The following TXK variants were observed in gnomAD, a reference collection of about 807,000 sequenced individuals.
The protein encoded by TXK is tyrosine-protein kinase TXK.
Under a neutral mutation model 81.0 loss-of-function variants are expected in TXK, and 60 were observed. That is an observed-to-expected ratio of 0.74 (90% CI 0.60 to 0.92). The LOEUF is 0.92. TXK is among the 40% of genes least tolerant of loss of function. TXK has a pLI of 0.00. For missense variants in TXK, 581 were observed against 638.3 expected, an observed-to-expected ratio of 0.91 and a Z score of 0.97; for synonymous variants, 203 against 210.7, an observed-to-expected ratio of 0.96 and a Z score of 0.32.
chr4:48,076,359 T>TAA (rs1472698828), intron 12 of TXK, 43 bp downstream of exon 12: 1 of 1,388,490 alleles, frequency 7.2e-7, no homozygotes, highest in Non-Finnish European at 9.9e-7. Context: ...CTCTTATGAG[T>TAA]AAACAAACAA....
At chr4:48,075,605 G>A (rs572432522) in intron 12 of TXK, among the ~76,000 whole-genome samples, 1 of 152,108 alleles carries the variant, frequency 6.6e-6, no homozygotes, top group East Asian at 1.9e-4. Flanking sequence ...AGCCGAGAGA[G>A]CACCACTGCA....
At chr4:48,110,409 G>A (rs929745630) in intron 5 of TXK, 129 bp downstream of exon 5, 25 of 653,464 alleles carry the variant, frequency 3.8e-5, no homozygotes, top group Non-Finnish European at 6.2e-5. Context: ...AGGATCAAAC[G>A]TCTCTTTATT....
At chr4:48,112,650 T>C in intron 3 of TXK, 138 bp from the exon 4 acceptor site, 1 of 826,380 alleles carries the variant, frequency 1.2e-6, no homozygotes, top group Non-Finnish European at 1.8e-6. Flanking sequence ...ATGAGATAAA[T>C]GTAGAAAAGG....
intron 1 of TXK, among the ~76,000 whole-genome samples, chr4:48,119,854 G>T (rs1718899985): frequency 6.6e-6 from 1 of 152,098 alleles, no homozygotes; most frequent in African/African-American, 2.4e-5. Context: ...TTATTCCAGT[G>T]CTGTTTTAGA....
Position 48,112,433 on chromosome 4 carries a change from A to C in TXK, c.254T>G (p.Ile85Ser). 6.2e-7 allele frequency: 1 copy of C among 1,614,136 alleles called. No individual in the cohort carries two copies. The highest frequency in any genetic ancestry group is 8.5e-7 in the Non-Finnish European group (1 of 1,180,010). Residue 85 changes from isoleucine to serine, a missense_variant, in exon 4 of 15, where the codon ATC (isoleucine) becomes AGC (serine). Physicochemically the swap from Ile to Ser is moderately radical, Grantham distance 142. Coordinates refer to ENST00000264316, the MANE Select transcript of TXK (RefSeq NM_003328.3). Reference sequence around the variant, plus strand: ...AAAATCATAAAGTGCCTTGACTTGGATCTTCTCTTCAGCAACCTCAGAGGG... The same window carrying C: ...AAAATCATAAAGTGCCTTGACTTGGCTCTTCTCTTCAGCAACCTCAGAGGG... ...LPPSEVAEEK[I>S]QVKALYDFLP...
chr4:48,097,626 C>G (rs112080495), intron 6 of TXK, among the ~76,000 whole-genome samples: 2 of 151,408 alleles, frequency 1.3e-5, no homozygotes, highest in Non-Finnish European at 1.5e-5. Flanking sequence ...TTAGTAGAGG[C>G]AGGGTTTCAT....
At chr4:48,076,636 CT>C (rs904259549) in intron 11 of TXK, among the ~76,000 whole-genome samples, 170 bp from the exon 12 acceptor site, 34 of 148,988 alleles carry the variant, frequency 2.3e-4, no homozygotes, top group Middle Eastern at 3.4e-3. Context: ...TTTGCCTTCA[CT>C]TTTTTTTTTG....
intron 6 of TXK, among the ~76,000 whole-genome samples, chr4:48,096,703 A>AT (rs1359726377): frequency 1.3e-5 from 2 of 151,624 alleles, no homozygotes. Context: ...TAATTTTTGT[A>AT]TTTTTTGTGG....
chr4:48,077,724 T>A, intron 11 of TXK, among the ~76,000 whole-genome samples: 1 of 148,870 alleles, frequency 6.7e-6, no homozygotes, highest in Non-Finnish European at 1.5e-5. Flanking sequence ...ACTTTAGGGA[T>A]TTTTTTTTTA....
intron 10 of TXK, among the ~76,000 whole-genome samples, chr4:48,082,513 T>C (rs201466111): frequency 1.3e-5 from 2 of 152,188 alleles, no homozygotes; most frequent in East Asian, 3.9e-4. Flanking sequence ...CTCAACCAAT[T>C]GTCAATCAGA....
chr4:48,132,992 T>C (rs887768769), intron 1 of TXK, among the ~76,000 whole-genome samples: 16 of 151,360 alleles, frequency 1.1e-4, no homozygotes, highest in Non-Finnish European at 2.2e-4. Flanking sequence ...CTGACAACCA[T>C]ATGAGTTTCT....
intron 6 of TXK, among the ~76,000 whole-genome samples, chr4:48,096,386 T>C (rs1329892419): frequency 6.6e-6 from 1 of 152,228 alleles, no homozygotes; most frequent in Non-Finnish European, 1.5e-5. Flanking sequence ...TATGTAGTGA[T>C]AGCTTTATAG....
chr4:48,127,220 C>A (rs1305283193), intron 1 of TXK, among the ~76,000 whole-genome samples: 2 of 152,210 alleles, frequency 1.3e-5, no homozygotes, highest in African/African-American at 4.8e-5. Flanking sequence ...GAAAGCCAAA[C>A]AGCTCCCTGG....
At chr4:48,126,121 G>C (rs1420394034) in intron 1 of TXK, among the ~76,000 whole-genome samples, 1 of 151,970 alleles carries the variant, frequency 6.6e-6, no homozygotes, top group Non-Finnish European at 1.5e-5. Flanking sequence ...TTTGACACTT[G>C]AAAAACATGG....
At chr4:48,123,303 A>G (rs928419697) in intron 1 of TXK, among the ~76,000 whole-genome samples, 1 of 152,188 alleles carries the variant, frequency 6.6e-6, no homozygotes, top group African/African-American at 2.4e-5. Context: ...TAGATGCAAA[A>G]GGATTTTTAT....
intron 1 of TXK, among the ~76,000 whole-genome samples, chr4:48,128,481 C>T (rs1414235654): frequency 6.6e-6 from 1 of 151,248 alleles, no homozygotes; most frequent in African/African-American, 2.4e-5. Flanking sequence ...TGCAACATAT[C>T]CTTTTTGTTT....
chr4:48,079,208 C>A (rs555876055), intron 11 of TXK, among the ~76,000 whole-genome samples: 3 of 152,176 alleles, frequency 2.0e-5, no homozygotes, highest in Non-Finnish European at 4.4e-5. Context: ...ATGATAACAG[C>A]CCTTTCCCAA....
In TXK at chr4:48,095,082, C is replaced by G. The variant is rs866066408; in HGVS notation, c.581+61G>C. The stretch of plus-strand genomic sequence containing the variant: ...TAAGCTAAGCTCTCACTAACATTCT[C>G]TATGTGATGGAGACTGTGCCAGGGA... On this transcript the variant is annotated intron_variant, in intron 7 of 14. Transcript: ENST00000264316. The G allele has an allele frequency of 5.1e-6, 7 of 1,362,142 alleles. No individual in the cohort carries two copies. The Middle Eastern group carries it at 7.2e-4, about 140-fold the overall frequency. The allele number at this position is 1,362,142 out of a possible 1,614,324, so 84.4% of individuals were successfully genotyped here. A position where few individuals can be genotyped will look rare whatever the true frequency, so the allele number is the denominator to read the frequency against.
rs1170007335 is a variant in TXK, at chr4:48,095,235, T to A, written c.502-13A>T. ...CACCTTCTTTAGACTGCAAAAAAAA[T>A]CATTTATTGAATAAGTCTATTCCTT... On this transcript the variant is annotated splice_polypyrimidine_tract_variant and intron_variant, in intron 6 of 14. Coordinates refer to ENST00000264316, the MANE Select transcript of TXK (RefSeq NM_003328.3). 6.3e-7 allele frequency: 1 copy of A among 1,597,162 alleles called. No homozygotes were observed. Among genetic ancestry groups the A allele is most frequent in the Non-Finnish European group, 8.6e-7 (1 of 1,166,308 alleles).
Sources: gnomAD v4.1 joint callset for allele counts (sites outside exome capture counted in the v4.1 genomes callset) on GRCh38, gnomAD v4.1.1 for gene constraint, MANE v1.5 for transcripts, NCBI Gene and HGNC (gene_info 2026-07-23, HGNC 2026-07-21) for gene names.